Variants in DIDO1 observed in about 807,000 individuals in gnomAD.
DIDO1 encodes death-inducer obliterator 1.
DIDO1 carries 16 observed loss-of-function variants against 99.4 expected under a neutral mutation model. The observed-to-expected ratio is 0.16, with a 90% CI of 0.11 to 0.24. The LOEUF (loss-of-function observed/expected upper bound fraction) is 0.24. Among genes scored for constraint, DIDO1 ranks in the 10% least tolerant of loss-of-function variants. The pLI, the probability that DIDO1 is intolerant of heterozygous loss-of-function variation, is 1.00. For missense variants in DIDO1, 2,996 were observed against 3,014.0 expected, an observed-to-expected ratio of 0.99 and a Z score of 0.14; for synonymous variants, 1,366 against 1,239.1, an observed-to-expected ratio of 1.10 and a Z score of -2.15.
In DIDO1 at chr20:62,881,026, G is replaced by A; in HGVS notation, c.4930C>T (p.Pro1644Ser). Residue 1644 changes from proline (P) to serine (S), a missense_variant, in exon 16 of 16, where the codon CCC becomes TCC. Physicochemically the swap from Pro to Ser is moderately conservative, Grantham distance 74. Around this residue, in one of 5 missense-constraint regions of DIDO1, gnomAD observed 1,562 missense variants for 1,412.6 expected, o/e 1.11. Transcript: ENST00000395343. The surrounding 1 kb of genome is among the most constrained non-coding windows in gnomAD (Gnocchi z 8.3). ...WKAEPGEGTR[P>S]ATVGDSSARP... ...GCCGAGCTGTCTCCAACCGTGGCGGGGCGGGTGCCCTCCCCAGGCTCTGCC... is the reference window on the plus strand; with the variant it reads ...GCCGAGCTGTCTCCAACCGTGGCGGAGCGGGTGCCCTCCCCAGGCTCTGCC... 1 of 1,605,160 alleles carries A rather than the reference G, an allele frequency of 6.2e-7. No individual in the cohort carries two copies. Among genetic ancestry groups the A allele is most frequent in the Non-Finnish European group, 8.5e-7 (1 of 1,178,306 alleles).
rs372833331 is a variant in DIDO1, at chr20:62,907,255, G to A, written c.1266C>T (p.Ala422=). 5.5e-5 allele frequency: 89 copies of A among 1,614,070 alleles called. No individual in the cohort carries two copies. The African/African-American group carries it at 8.4e-4, about 15-fold the overall frequency. Residue 422 remains alanine, a synonymous_variant, in exon 5 of 16, where the codon GCC becomes GCT. Transcript: ENST00000395343. ...AGCTTAGAAACTTCATTGTCGCTGCGGCGTGTTTGAGGATACAGTCATTAC... is the reference window on the plus strand; with the variant it reads ...AGCTTAGAAACTTCATTGTCGCTGCAGCGTGTTTGAGGATACAGTCATTAC... ...YCSNDCILKH[A]AATMKFLSSG...
At chr20:62,912,133 C>T (rs753105174) in intron 2 of DIDO1, among the ~76,000 whole-genome samples, 1 of 152,174 alleles carries the variant, frequency 6.6e-6, no homozygotes, top group Non-Finnish European at 1.5e-5. Flanking sequence ...GGGCTGGCCA[C>T]CACCATGCTG....
chr20:62,895,009 C>T (rs199576070), intron 9 of DIDO1, 40 bp downstream of exon 9: 22 of 1,596,658 alleles, frequency 1.4e-5, no homozygotes, highest in Middle Eastern at 1.7e-4. Context: ...CTATTAAGCT[C>T]GAGTCCTGGG....
intron 6 of DIDO1, among the ~76,000 whole-genome samples, chr20:62,897,731 T>C (rs1038950903): frequency 6.6e-6 from 1 of 152,230 alleles, no homozygotes; most frequent in Non-Finnish European, 1.5e-5. Context: ...CAAAAAGCTT[T>C]CTATGTCAGT....
Position 62,909,833 on chromosome 20 carries a change from C to T in DIDO1, c.1027G>A (p.Gly343Arg). 1 of 1,614,246 alleles carries T rather than the reference C, an allele frequency of 6.2e-7. No homozygotes were observed. Among genetic ancestry groups the T allele is most frequent in the Admixed American group, 1.7e-5 (1 of 60,034 alleles). Residue 343 changes from glycine to arginine, a missense_variant, in exon 4 of 16, where the codon GGA (glycine) becomes AGA (arginine). This residue lies in a region of DIDO1 where 898 missense variants were observed against 972.7 expected (regional missense o/e 0.92). Coordinates refer to ENST00000395343, the MANE Select transcript of DIDO1 (RefSeq NM_001193369.2). Reference protein sequence around the residue: ...ADQQEAKWRPGDADGTDCTSI... With the variant: ...ADQQEAKWRPRDADGTDCTSI... ...GTACAATCGGTGCCATCAGCATCTCCAGGTCTCCATTTAGCTTCCTGCTGA... is the reference window on the plus strand; with the variant it reads ...GTACAATCGGTGCCATCAGCATCTCTAGGTCTCCATTTAGCTTCCTGCTGA...
intron 15 of DIDO1, chr20:62,888,725 G>A (rs746145376): frequency 3.0e-6 from 3 of 985,368 alleles, no homozygotes; most frequent in Non-Finnish European, 3.6e-6. Context: ...ACATGTACAT[G>A]TTTATATCTA....
chr20:62,884,204 TAA>T (rs11086144), intron 15 of DIDO1, among the ~76,000 whole-genome samples: 19 of 151,406 alleles, frequency 1.3e-4, no homozygotes, highest in South Asian at 4.2e-4. Flanking sequence ...AGTATTAGTT[TAA>T]AAAAAAAATT....
rs958365584 is a variant in DIDO1 at position 62,894,283 on chromosome 20, G to A, written c.2573-89C>T. 8 of 1,573,158 alleles carry A rather than the reference G, an allele frequency of 5.1e-6. No individual in the cohort carries two copies. The East Asian group carries it at 1.1e-4, about 22-fold the overall frequency. The stretch of plus-strand genomic sequence containing the variant: ...AGCCGAAAGCAATACTCTAAAGGCA[G>A]GGCAGGAAATCATTCTGGCCCTTCT... On this transcript the variant is annotated intron_variant, in intron 11 of 15. Coordinates refer to ENST00000395343, the MANE Select transcript of DIDO1 (RefSeq NM_001193369.2). This position sits in a 1 kb window ranked among gnomAD's most constrained non-coding sequence, Gnocchi z 4.4.
chr20:62,887,952 T>C (rs2064323581), intron 15 of DIDO1: 1 of 985,464 alleles, frequency 1.0e-6, no homozygotes, highest in Non-Finnish European at 1.2e-6. Context: ...GGTGTTTCTG[T>C]GGACAAATCA....
At chr20:62,919,912 A>G (rs2065104888) in intron 1 of DIDO1, among the ~76,000 whole-genome samples, 1 of 152,270 alleles carries the variant, frequency 6.6e-6, no homozygotes, top group Non-Finnish European at 1.5e-5. Context: ...AAAATCATTT[A>G]TCGAGGTGAA....
At chr20:62,936,329 G>A (rs535660873) in intron 1 of DIDO1, among the ~76,000 whole-genome samples, 98 of 152,192 alleles carry the variant, frequency 6.4e-4, no homozygotes, top group Non-Finnish European at 9.1e-4. Context: ...CGAGGTGGGT[G>A]ATCATTTGAG....
rs760407293 is a variant in DIDO1 at position 62,906,017 on chromosome 20, A to T, written c.1458T>A (p.Pro486=). Residue 486 remains proline, a synonymous_variant, in exon 6 of 16, where the codon CCT becomes CCA. Transcript: ENST00000395343. ...CCTTCCCGAGTGCTTCACTCCGCGC[A>T]GGGACCACCACTGCCTTCTTCACTG... ...ETTVKKAVVV[P]ARSEALGKEA... is the part of the protein sequence containing the mutation. 1.2e-6 allele frequency: 2 copies of T among 1,613,990 alleles called. No homozygotes were observed. The highest frequency in any genetic ancestry group is 2.2e-5 in the East Asian group (1 of 44,888).
At chr20:62,925,511 G>C (rs1392516552) in intron 1 of DIDO1, among the ~76,000 whole-genome samples, 1 of 152,142 alleles carries the variant, frequency 6.6e-6, no homozygotes, top group Non-Finnish European at 1.5e-5. Context: ...TCCATCAGCA[G>C]ACAGATGACA....
chr20:62,898,463 C>G (rs1398469370), intron 6 of DIDO1, among the ~76,000 whole-genome samples: 1 of 152,120 alleles, frequency 6.6e-6, no homozygotes, highest in South Asian at 2.1e-4. Flanking sequence ...TTAACAGATA[C>G]CCCAACTTTC....
At chr20:62,884,530 G>A (rs544364098) in intron 15 of DIDO1, among the ~76,000 whole-genome samples, 114 of 152,308 alleles carry the variant, frequency 7.5e-4, no homozygotes, top group African/African-American at 2.6e-3. Flanking sequence ...ATGATTTCCC[G>A]TGCTTCAGGT....
chr20:62,919,236 AATAAT>A (rs2065091952), intron 1 of DIDO1, among the ~76,000 whole-genome samples: 1 of 152,178 alleles, frequency 6.6e-6, no homozygotes, highest in African/African-American at 2.4e-5. Context: ...CTGCTTACCA[AATAAT>A]ACCGTCATTA....
At chr20:62,889,668 T>C in intron 15 of DIDO1, 7 of 985,440 alleles carry the variant, frequency 7.1e-6, no homozygotes, top group Non-Finnish European at 7.2e-6. Flanking sequence ...CCTGGTCACG[T>C]GGAGCTGGCC....
At chr20:62,937,165 G>A (rs562978148) in intron 1 of DIDO1, among the ~76,000 whole-genome samples, 75 of 152,338 alleles carry the variant, frequency 4.9e-4, no homozygotes, top group African/African-American at 1.7e-3. Context: ...AAGCCGTCCC[G>A]TGAATTCCTC....
chr20:62,887,123 G>T (rs904314921), intron 15 of DIDO1: 2 of 985,410 alleles, frequency 2.0e-6, no homozygotes, highest in African/African-American at 1.7e-5. Flanking sequence ...ACACTAGGGT[G>T]CACTGCGCTG....
Sources: gnomAD v4.1 joint callset for allele counts (sites outside exome capture counted in the v4.1 genomes callset) on GRCh38, gnomAD v4.1.1 for gene constraint, gnomAD v4.1.1 regional missense constraint, Gnocchi (gnomAD v3.1) non-coding constraint, MANE v1.5 for transcripts, NCBI Gene and HGNC (gene_info 2026-07-23, HGNC 2026-07-21) for gene names.